Variants in LDB2 observed in about 807,000 individuals in gnomAD.
LDB2 encodes the protein LIM domain binding 2.
LDB2 carries 12 observed loss-of-function variants against 44.3 expected under a neutral mutation model. That is an observed-to-expected ratio of 0.27 (90% CI 0.17 to 0.44). The LOEUF (loss-of-function observed/expected upper bound fraction) is 0.44, where lower values mean the gene tolerates loss of function less well. Ranked by LOEUF, LDB2 falls within the 20% of genes least tolerant of loss-of-function variation. The pLI is 1.00. For synonymous variants in LDB2, 164 were observed against 174.8 expected, an observed-to-expected ratio of 0.94 and a Z score of 0.49; for missense variants, 344 against 473.5, an observed-to-expected ratio of 0.73 and a Z score of 2.54.
intron 1 of LDB2, among the ~76,000 whole-genome samples, chr4:16,774,928 G>T (rs1057442190): frequency 6.6e-6 from 1 of 152,184 alleles, no homozygotes; most frequent in Non-Finnish European, 1.5e-5. Context: ...ACAAAATGTG[G>T]TATCTTCAGA....
At chr4:16,760,264 C>T (rs1767603232) in intron 1 of LDB2, among the ~76,000 whole-genome samples, 1 of 152,142 alleles carries the variant, frequency 6.6e-6, no homozygotes. Context: ...ACTACTGAGT[C>T]CTGGCAGAGA....
At chr4:16,741,165 G>C (rs1023140129) in intron 2 of LDB2, among the ~76,000 whole-genome samples, 4 of 152,144 alleles carry the variant, frequency 2.6e-5, no homozygotes. Context: ...TGTCATTCTG[G>C]GGCAGATCGT....
intron 2 of LDB2, among the ~76,000 whole-genome samples, chr4:16,672,271 G>T (rs530039903): frequency 6.6e-6 from 1 of 152,166 alleles, no homozygotes; most frequent in Non-Finnish European, 1.5e-5. Context: ...ATTCAGCTTG[G>T]ATTCAGAGCC....
intron 5 of LDB2, among the ~76,000 whole-genome samples, chr4:16,564,717 T>TA (rs938510770): frequency 1.3e-5 from 2 of 151,928 alleles, no homozygotes; most frequent in South Asian, 2.1e-4. Flanking sequence ...CATCTTCAAA[T>TA]AAAAAAAATT....
intron 1 of LDB2, among the ~76,000 whole-genome samples, chr4:16,792,232 T>A (rs1176807038): frequency 6.6e-6 from 1 of 152,194 alleles, no homozygotes; most frequent in Non-Finnish European, 1.5e-5. Context: ...ATCCTTAGAT[T>A]CATATTTTAG....
chr4:16,849,517 C>G (rs185985145), intron 1 of LDB2, among the ~76,000 whole-genome samples: 1 of 152,164 alleles, frequency 6.6e-6, no homozygotes, highest in East Asian at 1.9e-4. Flanking sequence ...GCAGCAAGAA[C>G]CCAAAGGCAA....
At chr4:16,555,791 C>T (rs1479251494) in intron 5 of LDB2, among the ~76,000 whole-genome samples, 1 of 152,198 alleles carries the variant, frequency 6.6e-6, no homozygotes, top group Admixed American at 6.5e-5. Context: ...ATGTCTCCTC[C>T]TTTATTGTCA....
At chr4:16,804,252 A>C (rs1331907495) in intron 1 of LDB2, among the ~76,000 whole-genome samples, 1 of 152,190 alleles carries the variant, frequency 6.6e-6, no homozygotes, top group East Asian at 1.9e-4. Flanking sequence ...GGCTAGGTAC[A>C]TATTTTTATA....
intron 2 of LDB2, among the ~76,000 whole-genome samples, chr4:16,613,837 T>C (rs1480407012): frequency 1.3e-5 from 2 of 152,168 alleles, no homozygotes; most frequent in Admixed American, 6.5e-5. Flanking sequence ...AAAATGACCA[T>C]ACTGCCCGAA....
intron 5 of LDB2, among the ~76,000 whole-genome samples, chr4:16,555,095 GT>G (rs57066752): frequency 0.014 from 2,032 of 141,664 alleles, 16 homozygotes; most frequent in African/African-American, 0.023. Context: ...ATATGGAGTG[GT>G]TTTTTTTTTT....
rs369665466 is a variant in LDB2 at position 16,640,386 on chromosome 4, T to C, written c.236-44511A>G. On this transcript the variant is annotated intron_variant, in intron 2 of 7. Coordinates refer to ENST00000304523, the MANE Select transcript of LDB2 (RefSeq NM_001290.5). ...GGATTATAGATCGTTAACTGAAATATGAAGGACCTTCTAAGTTGCTGGGCT... is the reference window on the plus strand; with the variant it reads ...GGATTATAGATCGTTAACTGAAATACGAAGGACCTTCTAAGTTGCTGGGCT... 2.6e-5 allele frequency among the ~76,000 whole-genome samples: 4 copies of C among 152,352 alleles called. 1 individual carries two copies. The South Asian group carries it at 8.3e-4, about 32-fold the overall frequency.
At chr4:16,660,220 A>G (rs935829076) in intron 2 of LDB2, among the ~76,000 whole-genome samples, 1 of 152,176 alleles carries the variant, frequency 6.6e-6, no homozygotes, top group Non-Finnish European at 1.5e-5. Flanking sequence ...GCAGAATCCT[A>G]TTTTGCAGTT....
chr4:16,851,530 G>A (rs1211161118), intron 1 of LDB2, among the ~76,000 whole-genome samples: 1 of 151,702 alleles, frequency 6.6e-6, no homozygotes, highest in African/African-American at 2.4e-5. Context: ...GGAGGTGGAG[G>A]TTGCAGTGAG....
intron 2 of LDB2, among the ~76,000 whole-genome samples, chr4:16,665,604 G>A (rs963780062): frequency 1.3e-5 from 2 of 152,066 alleles, no homozygotes; most frequent in Admixed American, 1.3e-4. Flanking sequence ...AGACCTTGTT[G>A]GTAACTTAAA....
Position 16,653,783 on chromosome 4 carries a change from G to A in LDB2, c.236-57908C>T, listed in dbSNP as rs1738966640. On this transcript the variant is annotated intron_variant, in intron 2 of 7. Coordinates refer to ENST00000304523, the MANE Select transcript of LDB2 (RefSeq NM_001290.5). ...AGAATGGGAGCCAGACAGCTTTGTT[G>A]CTTTGCTGGGTGCACCACGATTTAG... The A allele has an allele frequency of 3.3e-5, 5 of 152,210 alleles. No individual in the cohort carries two copies. The South Asian group carries it at 1.0e-3, about 32-fold the overall frequency. The allele number at this position is 152,210 out of a possible 1,614,324, so 9.4% of individuals were successfully genotyped here.
intron 5 of LDB2, among the ~76,000 whole-genome samples, chr4:16,581,052 G>A (rs1714195140): frequency 6.6e-6 from 1 of 152,164 alleles, no homozygotes; most frequent in South Asian, 2.1e-4. Context: ...TGAAATGAAA[G>A]CGAAGAATTA....
chr4:16,893,608 C>T (rs952123781), intron 1 of LDB2, among the ~76,000 whole-genome samples: 2 of 151,784 alleles, frequency 1.3e-5, no homozygotes, highest in African/African-American at 4.8e-5. Context: ...ACATTTGTAA[C>T]CTTCATATTA....
intron 5 of LDB2, among the ~76,000 whole-genome samples, chr4:16,527,418 TA>T (rs375128660): frequency 1.4e-3 from 204 of 148,212 alleles, no homozygotes; most frequent in East Asian, 2.2e-3. Context: ...ATCAAAAAAA[TA>T]AAAAAAAAAT....
chr4:16,846,818 G>C (rs1787113131), intron 1 of LDB2, among the ~76,000 whole-genome samples: 1 of 152,182 alleles, frequency 6.6e-6, no homozygotes, highest in Non-Finnish European at 1.5e-5. Context: ...CAGGCAAAGA[G>C]TGCTTTGTCA....
Sources: allele counts gnomAD v4.1 joint callset (sites outside exome capture counted in the v4.1 genomes callset), GRCh38; gene constraint gnomAD v4.1.1; transcripts MANE v1.5; gene names NCBI Gene and HGNC (gene_info 2026-07-23, HGNC 2026-07-21).